The following ABCB1 variants were observed in gnomAD, a reference collection of about 807,000 sequenced individuals.
ABCB1 encodes the protein ATP-dependent translocase ABCB1.
A neutral mutation model predicts 142.0 loss-of-function variants in ABCB1; 69 were observed. The ratio of observed to expected loss-of-function variants is 0.49; its 90% CI spans 0.40 to 0.59. The LOEUF is 0.59. Ranked by LOEUF, ABCB1 falls within the 20% of genes least tolerant of loss-of-function variation. The pLI is 0.00. For missense variants in ABCB1, 1,326 were observed against 1,554.7 expected (o/e 0.85, Z 2.47); for synonymous variants, 532 against 539.2 (o/e 0.99, Z 0.18).
chr7:87,519,611 T>C (rs1339332761), intron 22 of ABCB1, 145 bp from the exon 23 acceptor site: 1 of 895,408 alleles, frequency 1.1e-6, no homozygotes, highest in Admixed American at 2.0e-5. Flanking sequence ...GTCCTCACTT[T>C]ACACTTAACA....
At chr7:87,662,317 A>G (rs748538568) in intron 1 of ABCB1, among the ~76,000 whole-genome samples, 7 of 152,218 alleles carry the variant, frequency 4.6e-5, no homozygotes, top group Non-Finnish European at 8.8e-5. Flanking sequence ...CAGTCAAGAA[A>G]TCCTTGCCCA....
intron 20 of ABCB1, among the ~76,000 whole-genome samples, chr7:87,533,777 C>T (rs1318641171): frequency 6.6e-6 from 1 of 152,182 alleles, no homozygotes; most frequent in Non-Finnish European, 1.5e-5. Flanking sequence ...GTAGATCCAA[C>T]AGTCCTCTCT....
In ABCB1 at chr7:87,545,996, A is replaced by G. The variant is rs1224728157; in HGVS notation, c.1754T>C (p.Ile585Thr). The change falls in exon 15 of 28, where the codon ATA (isoleucine) becomes ACA (threonine). Residue 585 changes from isoleucine (I) to threonine (T), a missense_variant. Physicochemically the swap from Ile to Thr is moderately conservative, Grantham distance 89. Coordinates refer to ENST00000622132, the MANE Select transcript of ABCB1 (RefSeq NM_001348946.2). ...ACGAACTGTAGACAAACGATGAGCT[A>G]TCACAATGGTGGTCCGACCTTTTCT... The part of the protein sequence containing the change: ...KARKGRTTIV[I>T]AHRLSTVRNA... The G allele has an allele frequency of 6.2e-7, 1 of 1,614,198 alleles. No individual in the cohort carries two copies. The highest frequency in any genetic ancestry group is 8.5e-7 in the Non-Finnish European group (1 of 1,180,014).
At chr7:87,662,272 C>T (rs112421854) in intron 1 of ABCB1, among the ~76,000 whole-genome samples, 6,686 of 152,042 alleles carry the variant, frequency 0.044, 201 homozygotes, top group Middle Eastern at 0.075. Context: ...CTCACTTGTC[C>T]GTTTTTGCTT....
intron 3 of ABCB1, among the ~76,000 whole-genome samples, chr7:87,594,284 T>C (rs1363050808): frequency 6.6e-6 from 1 of 152,150 alleles, no homozygotes; most frequent in African/African-American, 2.4e-5. Flanking sequence ...GGAATAATAA[T>C]AGTATCTTTC....
intron 1 of ABCB1, among the ~76,000 whole-genome samples, chr7:87,642,097 T>A (rs1359898527): frequency 6.6e-6 from 1 of 151,802 alleles, no homozygotes; most frequent in Non-Finnish European, 1.5e-5. Context: ...ATTTTAATTA[T>A]AATAATTTTT....
chr7:87,561,804 G>A (rs1301580120), intron 7 of ABCB1, among the ~76,000 whole-genome samples: 1 of 152,040 alleles, frequency 6.6e-6, no homozygotes, highest in African/African-American at 2.4e-5. Flanking sequence ...TGGGCAGCAT[G>A]GCAAGACCCC....
At chr7:87,541,665 T>C (rs1039733550) in intron 17 of ABCB1, among the ~76,000 whole-genome samples, 2 of 152,208 alleles carry the variant, frequency 1.3e-5, no homozygotes, top group African/African-American at 4.8e-5. Flanking sequence ...CTATCATTCA[T>C]AAATTGATCC....
intron 1 of ABCB1, among the ~76,000 whole-genome samples, chr7:87,670,687 AGT>A (rs1472236514): frequency 6.6e-6 from 1 of 152,050 alleles, no homozygotes; most frequent in Non-Finnish European, 1.5e-5. Flanking sequence ...GGCTTTGTGC[AGT>A]GTCTTTATTT....
At chr7:87,655,987 C>A (rs931765702) in intron 1 of ABCB1, among the ~76,000 whole-genome samples, 2 of 152,088 alleles carry the variant, frequency 1.3e-5, no homozygotes, top group African/African-American at 4.8e-5. Context: ...CAAGGTACCA[C>A]CTTGGAAGCA....
At chr7:87,710,765 T>G in intron 1 of ABCB1, 1 of 575,850 alleles carries the variant, frequency 1.7e-6, no homozygotes, top group Non-Finnish European at 3.0e-6. Context: ...CTGTTTTATT[T>G]CCTCCTTTTG....
intron 21 of ABCB1, among the ~76,000 whole-genome samples, chr7:87,528,322 T>A (rs950877766): frequency 1.3e-5 from 2 of 152,222 alleles, no homozygotes; most frequent in Admixed American, 6.5e-5. Flanking sequence ...TTTAACTTTT[T>A]TTAATTATAG....
chr7:87,660,176 A>G (rs942207849), intron 1 of ABCB1, among the ~76,000 whole-genome samples: 32 of 152,054 alleles, frequency 2.1e-4, no homozygotes, highest in African/African-American at 6.8e-4. Context: ...GTTTGGAATC[A>G]TGGTCTATTA....
At chr7:87,551,437 T>A (rs1263891824) in intron 9 of ABCB1, among the ~76,000 whole-genome samples, 1 of 152,230 alleles carries the variant, frequency 6.6e-6, no homozygotes, top group African/African-American at 2.4e-5. Flanking sequence ...AAACATCACA[T>A]TGTATTCCGT....
rs187257219 is a variant in ABCB1 at position 87,583,563 on chromosome 7, C to T, written c.286+1949G>A. ...CTATGAAGATGGAAATCTAAATTAC[C>T]AGCTGGCAAGCTGTGGTGATGTGGC... On this transcript the variant is annotated intron_variant, in intron 4 of 27. Transcript: ENST00000622132. Among the ~76,000 whole-genome samples the T allele has an allele frequency of 3.9e-5, 6 of 152,148 alleles. No individual in the cohort carries two copies. In the East Asian group the frequency reaches 7.7e-4, roughly 20 times the overall value.
rs59697741 is a variant in ABCB1 at position 87,549,378 on chromosome 7, G to A, written c.1695C>T (p.Ser565=). The A allele has an allele frequency of 1.3e-5, 21 of 1,614,016 alleles. No individual in the cohort carries two copies. Among genetic ancestry groups the A allele is most frequent in the South Asian group, 1.1e-4 (10 of 91,076 alleles). Reference sequence around the variant, plus strand: ...CCAGAGCCACCTGAACCACTGCTTCGCTTTCTGTGTCCAAGGCTGACGTGG... The same window carrying A: ...CCAGAGCCACCTGAACCACTGCTTCACTTTCTGTGTCCAAGGCTGACGTGG... ...DEATSALDTE[S]EAVVQVALDK... is the part of the protein sequence containing the mutation. The change falls in exon 14 of 28, where the codon AGC becomes AGT. Residue 565 remains serine, a synonymous_variant. Transcript: ENST00000622132.
At chr7:87,566,742 G>C (rs1408298396) in intron 6 of ABCB1, 43 bp downstream of exon 6, 3 of 1,575,952 alleles carry the variant, frequency 1.9e-6, no homozygotes, top group Non-Finnish European at 2.6e-6. Flanking sequence ...TTTTACTAAG[G>C]ATAAGAACGA....
intron 21 of ABCB1, chr7:87,521,946 T>TG: frequency 1.3e-6 from 1 of 790,572 alleles, no homozygotes; most frequent in Non-Finnish European, 2.3e-6. Context: ...TGGGTAAGAC[T>TG]GTCACTGAGA....
intron 25 of ABCB1, among the ~76,000 whole-genome samples, chr7:87,512,752 G>A (rs780112898): frequency 6.6e-6 from 1 of 152,176 alleles, no homozygotes; most frequent in Non-Finnish European, 1.5e-5. Flanking sequence ...TGAGAAGTCT[G>A]GCTGCAGTGC....
Sources: allele counts gnomAD v4.1 joint callset (sites outside exome capture counted in the v4.1 genomes callset), GRCh38; gene constraint gnomAD v4.1.1; transcripts MANE v1.5; gene names NCBI Gene and HGNC (gene_info 2026-07-23, HGNC 2026-07-21).